The following RAD51B variants were observed in gnomAD, a reference collection of about 807,000 sequenced individuals.
RAD51B encodes DNA repair protein RAD51 homolog 2.
Under a neutral mutation model 42.2 loss-of-function variants are expected in RAD51B, and 38 were observed. The ratio of observed to expected loss-of-function variants is 0.90; its 90% CI spans 0.70 to 1.18. The LOEUF is 1.18. RAD51B is among the 50% of genes most tolerant of loss of function. RAD51B has a pLI of 0.00. For synonymous variants in RAD51B, 154 were observed against 145.2 expected (o/e 1.06, Z -0.43); for missense variants, 373 against 400.7 (o/e 0.93, Z 0.59).
At chr14:68,355,329 T>A (rs1268317378) in intron 8 of RAD51B, among the ~76,000 whole-genome samples, 1 of 152,226 alleles carries the variant, frequency 6.6e-6, no homozygotes, top group Non-Finnish European at 1.5e-5. Context: ...TTCACCTTAA[T>A]GTTACCTGGA....
intron 4 of RAD51B, among the ~76,000 whole-genome samples, chr14:67,848,555 T>G (rs981458698): frequency 1.3e-5 from 2 of 152,270 alleles, no homozygotes; most frequent in Non-Finnish European, 2.9e-5. Flanking sequence ...TCTGTGTCTT[T>G]TAAGTGGGGT....
chr14:67,956,762 G>T (rs2074556386), intron 7 of RAD51B, among the ~76,000 whole-genome samples: 2 of 152,092 alleles, frequency 1.3e-5, no homozygotes, highest in African/African-American at 2.4e-5. Context: ...ACTGTATGTG[G>T]CTATTAAAAT....
At chr14:67,944,696 G>A (rs1566971535) in intron 7 of RAD51B, among the ~76,000 whole-genome samples, 1 of 152,000 alleles carries the variant, frequency 6.6e-6, no homozygotes, top group Non-Finnish European at 1.5e-5. Flanking sequence ...TTAGTAACTT[G>A]CCAAGCTCAC....
At position 68,252,980 on chromosome 14, in the gene RAD51B, G is replaced by A. The variant is rs539591742; in HGVS notation, c.757-38904G>A. Among the ~76,000 whole-genome samples the A allele has an allele frequency of 2.2e-4, 33 of 152,114 alleles. 1 individual carries two copies. The South Asian group carries it at 6.9e-3, about 32-fold the overall frequency. On this transcript the variant is annotated intron_variant, in intron 7 of 10. Coordinates refer to ENST00000471583, the MANE Select transcript of RAD51B (RefSeq NM_133510.4). The stretch of plus-strand genomic sequence containing the variant: ...TGCCTGTAATCTCAGCTGCTCAGGA[G>A]GCTAAGGCAGGAGAATCACTTGAAC...
chr14:68,551,589 C>G (rs780817375), intron 10 of RAD51B, among the ~76,000 whole-genome samples: 15 of 152,230 alleles, frequency 9.9e-5, no homozygotes, highest in Non-Finnish European at 2.1e-4. Flanking sequence ...ACAGTATTTA[C>G]ATCCAGGATT....
rs181065731 is a variant in RAD51B, at chr14:68,683,090, G to T, written c.*11+32234G>T. 1.5e-3 allele frequency: 500 copies of T among 332,360 alleles called. 4 individuals carry two copies. The highest frequency in any genetic ancestry group is 1.6e-3 in the Non-Finnish European group (401 of 245,782). 20.6% of individuals were successfully genotyped at this position (332,360 alleles called of 1,614,324 possible). Reference sequence around the variant, plus strand: ...TTCTGTCAGAAAAAAAATGGGGCCTGCCAAAACGTACTGTAAAAAAAAAAA... The same window carrying T: ...TTCTGTCAGAAAAAAAATGGGGCCTTCCAAAACGTACTGTAAAAAAAAAAA... On this transcript the variant is annotated intron_variant, in intron 11 of 11. Coordinates refer to the RAD51B transcript ENST00000488612.
Position 68,540,370 on chromosome 14 carries a change from C to T in RAD51B, c.1037-54115C>T, listed in dbSNP as rs1759988381. On this transcript the variant is annotated intron_variant, in intron 10 of 10. Coordinates refer to the RAD51B transcript ENST00000487270. ...TCCTTGACAATTGAGATAAGGTCCA[C>T]TTACATGAACCCTGAAAGTCATTAC... 3.8e-6 allele frequency: 4 copies of T among 1,051,824 alleles called. No homozygotes were observed. The African/African-American group carries it at 5.0e-5, about 13-fold the overall frequency. The allele number at this position is 1,051,824 out of a possible 1,614,324, so 65.2% of individuals were successfully genotyped here.
chr14:68,279,892 G>C (rs1275110032), intron 7 of RAD51B, among the ~76,000 whole-genome samples: 1 of 152,126 alleles, frequency 6.6e-6, no homozygotes, highest in Non-Finnish European at 1.5e-5. Flanking sequence ...AAACTGAGAA[G>C]ACAAATGCCC....
At chr14:68,502,229 C>A (rs936983958) in intron 10 of RAD51B, among the ~76,000 whole-genome samples, 1 of 152,222 alleles carries the variant, frequency 6.6e-6, no homozygotes, top group Non-Finnish European at 1.5e-5. Context: ...TCAGTCTCAT[C>A]CCAGCCTGAA....
At chr14:68,437,484 A>G (rs1256864790) in intron 9 of RAD51B, among the ~76,000 whole-genome samples, 1 of 152,290 alleles carries the variant, frequency 6.6e-6, no homozygotes, top group East Asian at 1.9e-4. Context: ...TGTCTTTGCC[A>G]GATTTTGGCT....
At chr14:68,397,099 T>C (rs1470809735) in intron 8 of RAD51B, among the ~76,000 whole-genome samples, 1 of 152,214 alleles carries the variant, frequency 6.6e-6, no homozygotes, top group Non-Finnish European at 1.5e-5. Context: ...TGGAAAACAA[T>C]AATTATCCCA....
At chr14:67,923,507 C>T (rs2044402128) in intron 7 of RAD51B, among the ~76,000 whole-genome samples, 1 of 151,938 alleles carries the variant, frequency 6.6e-6, no homozygotes, top group Non-Finnish European at 1.5e-5. Flanking sequence ...CCATGTTGTT[C>T]AGGCTGGTCT....
chr14:68,682,168 G>A (rs1893445240), intron 11 of RAD51B, among the ~76,000 whole-genome samples: 1 of 152,048 alleles, frequency 6.6e-6, no homozygotes, highest in Non-Finnish European at 1.5e-5. Context: ...AAGCAACTGA[G>A]ACCTACAGAT....
At chr14:67,944,507 A>G (rs905265128) in intron 7 of RAD51B, among the ~76,000 whole-genome samples, 1 of 152,178 alleles carries the variant, frequency 6.6e-6, no homozygotes, top group Admixed American at 6.5e-5. Flanking sequence ...ATAATGTCAT[A>G]TTTTAAAATT....
intron 9 of RAD51B, among the ~76,000 whole-genome samples, chr14:68,440,468 G>C (rs1184433549): frequency 1.3e-5 from 2 of 152,198 alleles, no homozygotes; most frequent in African/African-American, 4.8e-5. Context: ...ATTTCAGCCA[G>C]GCACAGTGGC....
intron 3 of RAD51B, 30 bp downstream of exon 3, chr14:67,825,607 A>G (rs766693318): frequency 6.7e-7 from 1 of 1,498,078 alleles, no homozygotes; most frequent in South Asian, 1.2e-5. Flanking sequence ...TGATTTGATT[A>G]TGAATGATTC....
intron 11 of RAD51B, among the ~76,000 whole-genome samples, chr14:68,671,016 G>A (rs1298873801): frequency 6.6e-6 from 1 of 152,208 alleles, no homozygotes; most frequent in East Asian, 1.9e-4. Flanking sequence ...GGCGTCTGCT[G>A]CTGGCCCCCC....
At chr14:68,049,568 C>G (rs112558899) in intron 7 of RAD51B, among the ~76,000 whole-genome samples, 1 of 152,138 alleles carries the variant, frequency 6.6e-6, no homozygotes, top group Non-Finnish European at 1.5e-5. Flanking sequence ...TGTTTTTCTC[C>G]GAGTTGCTCG....
At chr14:68,105,949 A>G (rs1202687903) in intron 7 of RAD51B, among the ~76,000 whole-genome samples, 4 of 151,940 alleles carry the variant, frequency 2.6e-5, no homozygotes, top group Admixed American at 1.3e-4. Context: ...TTTTAAACCA[A>G]TTAGTTAGTA....
Sources: allele counts gnomAD v4.1 joint callset (sites outside exome capture counted in the v4.1 genomes callset), GRCh38; gene constraint gnomAD v4.1.1; transcripts MANE v1.5; gene names NCBI Gene and HGNC (gene_info 2026-07-23, HGNC 2026-07-21).